Variants in TLN2 observed in about 807,000 individuals in gnomAD.
TLN2 encodes the protein talin-2.
A neutral mutation model predicts 294.7 loss-of-function variants in TLN2; 118 were observed. That is an observed-to-expected ratio of 0.40 (90% CI 0.34 to 0.47). TLN2 has a LOEUF of 0.47. Among genes scored for constraint, TLN2 ranks in the 20% least tolerant of loss-of-function variants. The probability of loss-of-function intolerance (pLI) is 0.84; values close to 1 mark genes in which losing one functional copy is unlikely to be tolerated. For missense variants in TLN2, 3,083 were observed against 3,282.2 expected (o/e 0.94, Z 1.48); for synonymous variants, 1,431 against 1,304.5 (o/e 1.10, Z -2.09).
chr15:62,713,069 A>G (rs1567430111), intron 22 of TLN2, among the ~76,000 whole-genome samples: 1 of 151,858 alleles, frequency 6.6e-6, no homozygotes, highest in Non-Finnish European at 1.5e-5. Context: ...GGAGTTCGAG[A>G]CCAACCTGGC....
At chr15:62,806,734 C>T (rs1361290134) in intron 51 of TLN2, among the ~76,000 whole-genome samples, 1 of 152,188 alleles carries the variant, frequency 6.6e-6, no homozygotes, top group Non-Finnish European at 1.5e-5. Context: ...CTTCCCCCTT[C>T]TTGGGACAGC....
At chr15:62,450,233 A>G (rs2036027615) in intron 1 of TLN2, among the ~76,000 whole-genome samples, 1 of 151,766 alleles carries the variant, frequency 6.6e-6, no homozygotes, top group Admixed American at 6.6e-5. Context: ...ACTAGATCCT[A>G]CCCTTGGATG....
intron 54 of TLN2, among the ~76,000 whole-genome samples, chr15:62,824,760 TGGTAC>T (rs2067889595): frequency 6.6e-6 from 1 of 152,238 alleles, no homozygotes; most frequent in South Asian, 2.1e-4. Context: ...ACATTTTTTC[TGGTAC>T]ATAACAGCCT....
chr15:62,801,269 C>T (rs144411751), intron 50 of TLN2, among the ~76,000 whole-genome samples: 3 of 152,220 alleles, frequency 2.0e-5, no homozygotes, highest in Admixed American at 6.5e-5. Context: ...GTCATCTGAC[C>T]TGAGAGAAAT....
intron 1 of TLN2, among the ~76,000 whole-genome samples, chr15:62,402,980 G>A (rs1033674403): frequency 5.3e-5 from 8 of 152,064 alleles, no homozygotes; most frequent in African/African-American, 1.7e-4. Flanking sequence ...GGTCCCTCAC[G>A]CGTAATCCCA....
At chr15:62,461,202 C>A (rs1226778077) in intron 1 of TLN2, among the ~76,000 whole-genome samples, 1 of 152,154 alleles carries the variant, frequency 6.6e-6, no homozygotes, top group Non-Finnish European at 1.5e-5. Context: ...CGTCGGCCTC[C>A]CAAAATGCTG....
At chr15:62,522,658 C>A (rs2040519283) in intron 1 of TLN2, among the ~76,000 whole-genome samples, 1 of 152,046 alleles carries the variant, frequency 6.6e-6, no homozygotes. Flanking sequence ...ACCCCCGAGG[C>A]TTTCTAAGAA....
chr15:62,460,123 A>G (rs888335516), intron 1 of TLN2, among the ~76,000 whole-genome samples: 4 of 152,094 alleles, frequency 2.6e-5, no homozygotes, highest in Admixed American at 2.0e-4. Flanking sequence ...TAAAGCCACT[A>G]ATATTTATCA....
At chr15:62,601,199 G>C (rs185598220) in intron 2 of TLN2, among the ~76,000 whole-genome samples, 1 of 152,138 alleles carries the variant, frequency 6.6e-6, no homozygotes, top group Admixed American at 6.5e-5. Flanking sequence ...ATTTTTGGTT[G>C]TCACAACTGG....
chr15:62,707,357 G>C, intron 20 of TLN2, 104 bp downstream of exon 20: 1 of 1,319,518 alleles, frequency 7.6e-7, no homozygotes, highest in South Asian at 1.8e-5. Flanking sequence ...TAAATAGTCC[G>C]AGATTTAGAG....
chr15:62,810,804 A>C (rs1305202478), intron 52 of TLN2, among the ~76,000 whole-genome samples: 2 of 152,140 alleles, frequency 1.3e-5, no homozygotes, highest in Non-Finnish European at 2.9e-5. Context: ...AGTCAGGGAC[A>C]CCCCCAGAAG....
chr15:62,603,976 C>T (rs1016716214), intron 2 of TLN2, among the ~76,000 whole-genome samples: 6 of 152,206 alleles, frequency 3.9e-5, no homozygotes, highest in Non-Finnish European at 5.9e-5. Context: ...TGTTGGCACA[C>T]AGAAAGCAGG....
At chr15:62,783,326 C>G (rs542617338) in intron 44 of TLN2, among the ~76,000 whole-genome samples, 4 of 152,242 alleles carry the variant, frequency 2.6e-5, no homozygotes, top group African/African-American at 9.6e-5. Context: ...GATCAGCCCC[C>G]GACAGAAGCC....
intron 1 of TLN2, among the ~76,000 whole-genome samples, chr15:62,572,868 C>A (rs568391355): frequency 6.6e-6 from 1 of 152,224 alleles, no homozygotes; most frequent in East Asian, 1.9e-4. Flanking sequence ...TTGTTCGCCA[C>A]CCCCTCCTGC....
At chr15:62,489,901 C>T (rs2038615318) in intron 1 of TLN2, among the ~76,000 whole-genome samples, 4 of 152,224 alleles carry the variant, frequency 2.6e-5, no homozygotes, top group African/African-American at 4.8e-5. Context: ...GTCCTCAGCC[C>T]TGGCAAACCT....
rs556542462 is a variant in TLN2 at position 62,433,393 on chromosome 15, A to G, written c.-238+42708A>G. On this transcript the variant is annotated intron_variant, in intron 1 of 58. Coordinates refer to ENST00000636159, the MANE Select transcript of TLN2 (RefSeq NM_015059.3). ...CCTGATTCCAAAGTTCTGAAACTCC[A>G]TAGGGCCTGCTGAGAACCAGAGGAC... Among the ~76,000 whole-genome samples the G allele has an allele frequency of 7.9e-5, 12 of 152,244 alleles. No individual in the cohort carries two copies. In the South Asian group the frequency reaches 2.5e-3, roughly 32 times the overall value.
chr15:62,776,706 A>T (rs1046223659), intron 42 of TLN2, 58 bp from the exon 43 acceptor site: 2 of 1,358,312 alleles, frequency 1.5e-6, no homozygotes, highest in Non-Finnish European at 1.9e-6. Context: ...GGTTATTCTT[A>T]GAAGACTGAG....
rs549327925 is a variant in TLN2, at chr15:62,667,183, G to A, written c.789-6644G>A. Among the ~76,000 whole-genome samples, 84 of 152,212 alleles carry A rather than the reference G, an allele frequency of 5.5e-4. 3 individuals are homozygous for A. Among genetic ancestry groups the A allele is most frequent in the Admixed American group, 4.2e-3 (65 of 15,300 alleles). On this transcript the variant is annotated intron_variant, in intron 9 of 58. Transcript: ENST00000636159. ...GGGTTTCACCATGTTAGCCAGGATG[G>A]TCTCGATCTCCTGACCTAGTGATCC...
intron 21 of TLN2, 103 bp from the exon 22 acceptor site, chr15:62,711,808 C>T (rs1595750306): frequency 3.0e-6 from 4 of 1,345,502 alleles, no homozygotes; most frequent in East Asian, 2.4e-5. Flanking sequence ...TTTTTTTGCT[C>T]CTGCTTACCA....
Sources: allele counts gnomAD v4.1 joint callset (sites outside exome capture counted in the v4.1 genomes callset), GRCh38; gene constraint gnomAD v4.1.1; transcripts MANE v1.5; gene names NCBI Gene and HGNC (gene_info 2026-07-23, HGNC 2026-07-21).